CSGALNACT2: variants seen among roughly 807,000 people sequenced by gnomAD.
The protein encoded by CSGALNACT2 is chondroitin sulfate N-acetylgalactosaminyltransferase 2.
In CSGALNACT2, 35 loss-of-function variants were observed where a neutral mutation model predicts 55.3. The ratio of observed to expected loss-of-function variants is 0.63; its 90% CI spans 0.48 to 0.84. The LOEUF is 0.84. Ranked by LOEUF, CSGALNACT2 falls within the 40% of genes least tolerant of loss-of-function variation. The probability of loss-of-function intolerance (pLI) is 0.00; values close to 1 mark genes in which losing one functional copy is unlikely to be tolerated. For missense variants in CSGALNACT2, 544 were observed against 657.5 expected (o/e 0.83, Z 1.89); for synonymous variants, 196 against 224.9 (o/e 0.87, Z 1.15).
chr10:43,171,193 G>C (rs1839374817), intron 6 of CSGALNACT2, among the ~76,000 whole-genome samples: 1 of 152,136 alleles, frequency 6.6e-6, no homozygotes. Context: ...GCTAAAACTG[G>C]ATGAGGGGTA....
At chr10:43,171,722 A>G (rs939866859) in intron 6 of CSGALNACT2, among the ~76,000 whole-genome samples, 2 of 152,218 alleles carry the variant, frequency 1.3e-5, no homozygotes, top group Admixed American at 1.3e-4. Flanking sequence ...GATTCATTCT[A>G]GGTGTTGCAT....
intron 1 of CSGALNACT2, among the ~76,000 whole-genome samples, chr10:43,153,962 T>TA (rs1220479735): frequency 6.6e-6 from 1 of 152,230 alleles, no homozygotes; most frequent in Non-Finnish European, 1.5e-5. Flanking sequence ...TGGAAAGAAT[T>TA]ATGTGATCTA....
At chr10:43,166,654 A>G (rs938673644) in intron 5 of CSGALNACT2, among the ~76,000 whole-genome samples, 14 of 152,186 alleles carry the variant, frequency 9.2e-5, no homozygotes, top group African/African-American at 3.4e-4. Flanking sequence ...TCTAAGTTTC[A>G]TAGTGATTAT....
intron 1 of CSGALNACT2, among the ~76,000 whole-genome samples, chr10:43,143,257 TC>T (rs1166498820): frequency 1.3e-5 from 2 of 152,230 alleles, no homozygotes; most frequent in African/African-American, 4.8e-5. Flanking sequence ...TGTACCTAAT[TC>T]CTTTAAAATA....
chr10:43,166,958 C>T, intron 5 of CSGALNACT2, 46 bp from the exon 6 acceptor site: 1 of 1,182,156 alleles, frequency 8.5e-7, no homozygotes, highest in Non-Finnish European at 1.2e-6. Flanking sequence ...AAGAACAGTT[C>T]TTCATAACTT....
intron 1 of CSGALNACT2, among the ~76,000 whole-genome samples, chr10:43,140,169 G>A (rs765834952): frequency 1.3e-5 from 2 of 151,944 alleles, no homozygotes; most frequent in East Asian, 1.9e-4. Flanking sequence ...AGCCTGACTC[G>A]GTCTCAAAAA....
In CSGALNACT2 at chr10:43,183,639, A is replaced by G. The variant is rs1252427437; in HGVS notation, c.*97A>G. 6 of 956,980 alleles carry G rather than the reference A, an allele frequency of 6.3e-6. No homozygotes were observed. The highest frequency in any genetic ancestry group is 5.0e-5 in the African/African-American group (3 of 60,262). 59.3% of individuals were successfully genotyped at this position (956,980 alleles called of 1,614,324 possible). On this transcript the variant is annotated 3_prime_UTR_variant, in exon 8 of 8. Transcript: ENST00000374466. ...ATGCAGTGCCTCTTTTGGAGAAGAC[A>G]TGTTTATTTTTCATGTTCTTTCTGA...
intron 1 of CSGALNACT2, among the ~76,000 whole-genome samples, chr10:43,138,836 C>T (rs983903695): frequency 6.6e-6 from 1 of 152,214 alleles, no homozygotes; most frequent in Non-Finnish European, 1.5e-5. Flanking sequence ...ACCATCTCTG[C>T]TCCTCTCAGT....
chr10:43,149,229 C>T (rs1239328004), intron 1 of CSGALNACT2, among the ~76,000 whole-genome samples: 1 of 152,136 alleles, frequency 6.6e-6, no homozygotes, highest in Non-Finnish European at 1.5e-5. Context: ...ACTGCAGGTG[C>T]ATGCCACCAC....
chr10:43,172,292 G>A (rs893258454), intron 6 of CSGALNACT2, among the ~76,000 whole-genome samples: 15 of 151,748 alleles, frequency 9.9e-5, no homozygotes, highest in Non-Finnish European at 2.1e-4. Flanking sequence ...AAATACAGCC[G>A]TGTAAATGAA....
chr10:43,168,622 T>C (rs1564518301), intron 6 of CSGALNACT2, among the ~76,000 whole-genome samples: 1 of 151,970 alleles, frequency 6.6e-6, no homozygotes, highest in Non-Finnish European at 1.5e-5. Context: ...ACTTAACATA[T>C]TTTATGAGGC....
intron 6 of CSGALNACT2, among the ~76,000 whole-genome samples, chr10:43,168,673 GACACACACACACACAC>G (rs55776451): frequency 1.1e-4 from 17 of 147,906 alleles, no homozygotes; most frequent in African/African-American, 4.2e-4. Context: ...AGTACACACA[GACACACACACACACAC>G]ACACACACAC....
intron 1 of CSGALNACT2, among the ~76,000 whole-genome samples, chr10:43,145,103 T>C (rs769891281): frequency 3.6e-4 from 55 of 152,208 alleles, no homozygotes; most frequent in Admixed American, 8.5e-4. Context: ...GAAGCTGCTA[T>C]GAACATTTGT....
Position 43,155,218 on chromosome 10 carries a change from C to T in CSGALNACT2, c.69C>T (p.Cys23=), listed in dbSNP as rs368621720. The T allele has an allele frequency of 6.1e-5, 99 of 1,613,968 alleles. No individual in the cohort carries two copies. Among genetic ancestry groups the T allele is most frequent in the Non-Finnish European group, 8.1e-5 (96 of 1,179,980 alleles). ...TGCTGTTGGGCCTTGCTTTGCTCTG[C>T]AGTTTGGTATTATTTATGTACCTCC... The part of the protein sequence containing the change: ...HWLLLGLALL[C]SLVLFMYLLE... Residue 23 remains cysteine (C), a synonymous_variant, in exon 2 of 8, where the codon TGC becomes TGT. Transcript: ENST00000374466.
At chr10:43,148,153 C>T (rs1838801787) in intron 1 of CSGALNACT2, among the ~76,000 whole-genome samples, 1 of 152,134 alleles carries the variant, frequency 6.6e-6, no homozygotes, top group African/African-American at 2.4e-5. Context: ...AAAAACTATT[C>T]TTTCTCCCAT....
rs1417785053 is a variant in CSGALNACT2, at chr10:43,141,318, C to T, written c.-254+2751C>T. Among the ~76,000 whole-genome samples the T allele has an allele frequency of 2.6e-5, 4 of 152,118 alleles. 1 individual carries two copies. The highest frequency in any genetic ancestry group is 4.2e-4 in the South Asian group (2 of 4,816). Reference sequence around the variant, plus strand: ...CTGCGAGCTCCACCTCCCAGGTTCACGCCATTCTCCTGCCTCAGCCTCCCG... The same window carrying T: ...CTGCGAGCTCCACCTCCCAGGTTCATGCCATTCTCCTGCCTCAGCCTCCCG... On this transcript the variant is annotated intron_variant, in intron 1 of 7. Coordinates refer to ENST00000374466, the MANE Select transcript of CSGALNACT2 (RefSeq NM_018590.5).
intron 1 of CSGALNACT2, 114 bp downstream of exon 1, chr10:43,138,681 G>T (rs1588885676): frequency 6.6e-6 from 1 of 151,988 alleles, no homozygotes; most frequent in Non-Finnish European, 1.5e-5. Context: ...GTCGCCTAGC[G>T]GACCGGTCCT....
chr10:43,140,593 T>G (rs1286174397), intron 1 of CSGALNACT2, among the ~76,000 whole-genome samples: 2 of 152,230 alleles, frequency 1.3e-5, no homozygotes, highest in Non-Finnish European at 2.9e-5. Flanking sequence ...ACTCTGAAGT[T>G]TAGCATAACA....
In CSGALNACT2 at chr10:43,152,646, T is replaced by C. The variant is rs936853749; in HGVS notation, c.-253-2251T>C. Among the ~76,000 whole-genome samples the C allele has an allele frequency of 2.0e-5, 3 of 152,280 alleles. No homozygotes were observed. The East Asian group carries it at 5.8e-4, about 29-fold the overall frequency. On this transcript the variant is annotated intron_variant, in intron 1 of 7. Coordinates refer to ENST00000374466, the MANE Select transcript of CSGALNACT2 (RefSeq NM_018590.5). ...CTGAGTTATAGCTCATAGTCTAAAA[T>C]ACATTGTGTATATAAAGAAAACATA...
Sources: allele counts gnomAD v4.1 joint callset (sites outside exome capture counted in the v4.1 genomes callset), GRCh38; gene constraint gnomAD v4.1.1; transcripts MANE v1.5; gene names NCBI Gene and HGNC (gene_info 2026-07-23, HGNC 2026-07-21).